The following NUP88 variants were observed in gnomAD, a reference collection of about 807,000 sequenced individuals.
NUP88 encodes nuclear pore complex protein Nup88.
Under a neutral mutation model 93.9 loss-of-function variants are expected in NUP88, and 57 were observed. The observed-to-expected ratio is 0.61, with a 90% CI of 0.49 to 0.76. The LOEUF (loss-of-function observed/expected upper bound fraction) is 0.76. NUP88 is among the 30% of genes least tolerant of loss of function. NUP88 has a pLI of 0.00. For synonymous variants in NUP88, 346 were observed against 336.8 expected (o/e 1.03, Z -0.30); for missense variants, 911 against 901.0 (o/e 1.01, Z -0.14).
intron 7 of NUP88, among the ~76,000 whole-genome samples, chr17:5,403,030 A>T (rs931511222): frequency 2.6e-5 from 4 of 152,184 alleles, no homozygotes; most frequent in African/African-American, 7.2e-5. Flanking sequence ...CACTGTGTAT[A>T]CAATGCCACA....
At chr17:5,410,669 A>T (rs1325248229) in intron 4 of NUP88, 34 bp downstream of exon 4, 3 of 1,331,864 alleles carry the variant, frequency 2.3e-6, no homozygotes, top group Non-Finnish European at 3.2e-6. Context: ...TAAGCTAATT[A>T]AAAAACCATT....
chr17:5,387,584 CTTCT>C lies in NUP88; in HGVS notation c.1835+17_1835+20del. On this transcript the variant is annotated intron_variant, in intron 13 of 16. Transcript: ENST00000573584. ...TCCAGTCTTACTGACCTATTGTATT[CTTCT>C]TATTTTTGACACTTACCTCTCTTCT... 1 of 1,608,064 alleles carries C rather than the reference CTTCT, an allele frequency of 6.2e-7. No homozygotes were observed. Among genetic ancestry groups the C allele is most frequent in the Non-Finnish European group, 8.5e-7 (1 of 1,175,028 alleles).
chr17:5,389,775 CA>C (rs58723410), intron 10 of NUP88, among the ~76,000 whole-genome samples: 74 of 76,584 alleles, frequency 9.7e-4, no homozygotes, highest in African/African-American at 1.6e-3. Context: ...GACTCTGTCT[CA>C]AAAAAAAAAA....
chr17:5,406,255 G>A (rs1416372767), intron 5 of NUP88, among the ~76,000 whole-genome samples: 1 of 152,202 alleles, frequency 6.6e-6, no homozygotes, highest in Non-Finnish European at 1.5e-5. Context: ...CTGGGAAGGG[G>A]ATTGTTGAGC....
At position 5,390,128 on chromosome 17, in the gene NUP88, G is replaced by A. The variant is rs375826758; in HGVS notation, c.1485-1168C>T. 2.6e-4 allele frequency among the ~76,000 whole-genome samples: 38 copies of A among 144,360 alleles called. 1 individual carries two copies. In the East Asian group the frequency reaches 7.3e-3, roughly 28 times the overall value. 94.7% of individuals were successfully genotyped at this position (144,360 alleles called of 152,430 possible). ...TGCAGTGAGCTGAGATCGTGCCACTGCCCTCCAGCTTGGGCAACACAGCAA... is the reference window on the plus strand; with the variant it reads ...TGCAGTGAGCTGAGATCGTGCCACTACCCTCCAGCTTGGGCAACACAGCAA... On this transcript the variant is annotated intron_variant, in intron 10 of 16. Coordinates refer to ENST00000573584, the MANE Select transcript of NUP88 (RefSeq NM_002532.6).
intron 10 of NUP88, 70 bp from the exon 11 acceptor site, chr17:5,389,030 A>G: frequency 8.9e-7 from 1 of 1,126,940 alleles, no homozygotes; most frequent in Middle Eastern, 2.3e-4. Context: ...AGCAGAAACC[A>G]CATTAATCCA....
chr17:5,411,801 C>T (rs1404516248), intron 3 of NUP88, among the ~76,000 whole-genome samples: 2 of 152,024 alleles, frequency 1.3e-5, no homozygotes, highest in African/African-American at 4.8e-5. Flanking sequence ...TTGTCTGACG[C>T]CACTAAGAAT....
intron 7 of NUP88, among the ~76,000 whole-genome samples, chr17:5,402,055 G>A (rs1913202406): frequency 6.6e-6 from 1 of 151,962 alleles, no homozygotes; most frequent in African/African-American, 2.4e-5. Context: ...GGTGGTTTAT[G>A]CCTAAAATCC....
At chr17:5,413,913 C>G in intron 3 of NUP88, 96 bp downstream of exon 3, 1 of 1,324,794 alleles carries the variant, frequency 7.5e-7, no homozygotes, top group Non-Finnish European at 1.1e-6. Context: ...CTGACTCATT[C>G]AATGACTCAC....
intron 8 of NUP88, among the ~76,000 whole-genome samples, chr17:5,397,428 AAACAGAGTGATAC>A (rs1381130976): frequency 2.6e-5 from 4 of 152,188 alleles, no homozygotes; most frequent in Non-Finnish European, 4.4e-5. Context: ...TTTAAAAGTG[AAACAGAGTGATAC>A]AACATGAGGA....
At position 5,408,913 on chromosome 17, in the gene NUP88, G is replaced by A; in HGVS notation, c.681-4C>T. ...TAGAGATGCGGTATACGCCCTTCTGGAAAGAGATGTAAAAACCAACTTGTT... is the reference window on the plus strand; with the variant it reads ...TAGAGATGCGGTATACGCCCTTCTGAAAAGAGATGTAAAAACCAACTTGTT... On this transcript the variant is annotated splice_polypyrimidine_tract_variant and splice_region_variant and intron_variant, in intron 4 of 16. Coordinates refer to ENST00000573584, the MANE Select transcript of NUP88 (RefSeq NM_002532.6). The A allele has an allele frequency of 1.9e-6, 3 of 1,547,772 alleles. No individual in the cohort carries two copies. In the South Asian group the frequency reaches 3.6e-5, roughly 19 times the overall value.
intron 10 of NUP88, among the ~76,000 whole-genome samples, chr17:5,389,811 A>G (rs1912297317): frequency 1.3e-5 from 2 of 150,176 alleles, no homozygotes; most frequent in Non-Finnish European, 3.0e-5. Flanking sequence ...AGTTCATGAA[A>G]TAGCATAACT....
In NUP88 at chr17:5,419,467, A is replaced by G; in HGVS notation, c.184T>C (p.Phe62Leu). 6.2e-7 allele frequency: 1 copy of G among 1,614,036 alleles called. No individual in the cohort carries two copies. Among genetic ancestry groups the G allele is most frequent in the Non-Finnish European group, 8.5e-7 (1 of 1,179,960 alleles). Residue 62 changes from phenylalanine (F) to leucine (L), a missense_variant, in exon 1 of 17, where the codon TTT becomes CTT. Physicochemically the swap from Phe to Leu is conservative, Grantham distance 22. Transcript: ENST00000573584. ...PPQLLTRNVV[F>L]GLGGELFLWD... ...AGGAAAAGCTCTCCGCCGAGGCCAAAGACCACGTTTCTCGTCAGCAACTGC... is the reference window on the plus strand; with the variant it reads ...AGGAAAAGCTCTCCGCCGAGGCCAAGGACCACGTTTCTCGTCAGCAACTGC...
In NUP88 at chr17:5,384,860, T is replaced by C. The variant is rs1157599459; in HGVS notation, c.*1346A>G. On this transcript the variant is annotated 3_prime_UTR_variant, in exon 17 of 17. Transcript: ENST00000573584. Reference sequence around the variant, plus strand: ...GAGTTACAGGGGATTTTATTAATTATAAAATGCAATCAATTTAAATTACGT... The same window carrying C: ...GAGTTACAGGGGATTTTATTAATTACAAAATGCAATCAATTTAAATTACGT... 9.2e-6 allele frequency: 2 copies of C among 218,506 alleles called. No individual in the cohort carries two copies. Among genetic ancestry groups the C allele is most frequent in the African/African-American group, 2.2e-5 (1 of 44,612 alleles). The allele number at this position is 218,506 out of a possible 1,614,324, so 13.5% of individuals were successfully genotyped here.
At chr17:5,417,427 C>A (rs571551037) in intron 1 of NUP88, among the ~76,000 whole-genome samples, 1 of 152,302 alleles carries the variant, frequency 6.6e-6, no homozygotes, top group African/African-American at 2.4e-5. Context: ...GTGATCACAC[C>A]ACTGCACTCC....
intron 3 of NUP88, among the ~76,000 whole-genome samples, chr17:5,411,799 C>T (rs1049173886): frequency 1.3e-5 from 2 of 152,060 alleles, no homozygotes; most frequent in East Asian, 1.9e-4. Flanking sequence ...TTTTGTCTGA[C>T]GCCACTAAGA....
Position 5,408,826 on chromosome 17 carries a change from C to G in NUP88, c.764G>C (p.Gly255Ala). The G allele has an allele frequency of 6.2e-7, 1 of 1,614,010 alleles. No individual in the cohort carries two copies. Among genetic ancestry groups the G allele is most frequent in the Non-Finnish European group, 8.5e-7 (1 of 1,179,946 alleles). The change falls in exon 5 of 17, where the codon GGA (glycine) becomes GCA (alanine). Residue 255 changes from glycine (G) to alanine (A), a missense_variant. Coordinates refer to ENST00000573584, the MANE Select transcript of NUP88 (RefSeq NM_002532.6). ...PLAAVPKTLF[G>A]QNGKDEVVAY... ...CACTACTTCATCTTTGCCGTTTTGT[C>G]CAAATAGAGTCTTTGGGACTGCTGC...
intron 6 of NUP88, 62 bp downstream of exon 6, chr17:5,404,995 T>C (rs1044223179): frequency 4.4e-6 from 6 of 1,375,824 alleles, no homozygotes; most frequent in Non-Finnish European, 6.0e-6. Context: ...TAAGCATTCA[T>C]ATTGGGTCAG....
intron 9 of NUP88, among the ~76,000 whole-genome samples, chr17:5,393,038 C>A (rs189249611): frequency 1.3e-5 from 2 of 151,904 alleles, no homozygotes; most frequent in Admixed American, 1.3e-4. Context: ...CTGCAGCCTC[C>A]ACCTCCCAGG....
Sources: gnomAD v4.1 joint callset for allele counts (sites outside exome capture counted in the v4.1 genomes callset) on GRCh38, gnomAD v4.1.1 for gene constraint, MANE v1.5 for transcripts, NCBI Gene and HGNC (gene_info 2026-07-23, HGNC 2026-07-21) for gene names.